SAXO1: variants seen among roughly 807,000 people sequenced by gnomAD.
SAXO1 encodes stabilizer of axonemal microtubules 1.
In SAXO1, 21 loss-of-function variants were observed where a neutral mutation model predicts 17.5. That is an observed-to-expected ratio of 1.20 (90% CI 0.85 to 1.72). The LOEUF (loss-of-function observed/expected upper bound fraction) is 1.72, where lower values mean the gene tolerates loss of function less well. SAXO1 is among the 40% of genes most tolerant of loss of function. SAXO1 has a pLI of 0.00. For synonymous variants in SAXO1, 274 were observed against 216.5 expected (o/e 1.27, Z -2.33); for missense variants, 843 against 596.0 (o/e 1.41, Z -4.32).
chr9:18,953,775 T>C (rs1445150138), intron 1 of SAXO1, among the ~76,000 whole-genome samples: 1 of 152,206 alleles, frequency 6.6e-6, no homozygotes, highest in Non-Finnish European at 1.5e-5. Flanking sequence ...ATTATATACG[T>C]ATTTAATAGA....
chr9:18,977,796 C>G (rs1057489457), intron 1 of SAXO1, among the ~76,000 whole-genome samples: 1 of 152,004 alleles, frequency 6.6e-6, no homozygotes, highest in South Asian at 2.1e-4. Flanking sequence ...GAGCTCCACA[C>G]CACTCTGGGC....
intron 1 of SAXO1, among the ~76,000 whole-genome samples, chr9:19,025,766 C>A (rs1008182246): frequency 2.0e-5 from 3 of 152,084 alleles, no homozygotes; most frequent in African/African-American, 4.8e-5. Context: ...CTATATCAAT[C>A]CCTTCATTAA....
chr9:19,021,369 C>G (rs1326714251), intron 1 of SAXO1, among the ~76,000 whole-genome samples: 1 of 152,212 alleles, frequency 6.6e-6, no homozygotes, highest in Non-Finnish European at 1.5e-5. Context: ...ATACTCCCAA[C>G]TAGCCATTAA....
chr9:18,985,204 C>T (rs982896283), intron 1 of SAXO1, among the ~76,000 whole-genome samples: 17 of 152,088 alleles, frequency 1.1e-4, no homozygotes, highest in South Asian at 8.3e-4. Context: ...CTGTCTTATA[C>T]GGGCGTGGCT....
chr9:19,001,570 G>A (rs1160117353), intron 1 of SAXO1, among the ~76,000 whole-genome samples: 1 of 151,958 alleles, frequency 6.6e-6, no homozygotes, highest in Non-Finnish European at 1.5e-5. Flanking sequence ...GGGAGGCTGA[G>A]GCAGGAGAAT....
rs746098652 is a variant in SAXO1 at position 18,928,576 on chromosome 9, T to C, written c.901A>G (p.Met301Val). The C allele has an allele frequency of 1.9e-6, 3 of 1,614,076 alleles. No individual in the cohort carries two copies. The East Asian group carries it at 6.7e-5, about 36-fold the overall frequency. Residue 301 changes from methionine (M) to valine (V), a missense_variant, in exon 4 of 4, where the codon ATG becomes GTG. Physicochemically the swap from Met to Val is conservative, Grantham distance 21 (BLOSUM62 1). Transcript: ENST00000380534. Reference sequence around the variant, plus strand: ...GCCTGCACTGTTGTCAGAAGATCCATCCTGTCTTCGGGAGGGACGTAGGTG... The same window carrying C: ...GCCTGCACTGTTGTCAGAAGATCCACCCTGTCTTCGGGAGGGACGTAGGTG... Reference protein sequence around the residue: ...PITYVPPEDRMDLLTTVQAHY... With the variant: ...PITYVPPEDRVDLLTTVQAHY...
At chr9:18,974,798 C>A (rs1255412025) in intron 1 of SAXO1, among the ~76,000 whole-genome samples, 1 of 152,154 alleles carries the variant, frequency 6.6e-6, no homozygotes, top group Admixed American at 6.5e-5. Flanking sequence ...TAAGCCATCA[C>A]CATTTGGCAA....
At chr9:18,967,306 G>A (rs1488863603) in intron 1 of SAXO1, among the ~76,000 whole-genome samples, 1 of 152,214 alleles carries the variant, frequency 6.6e-6, no homozygotes, top group Non-Finnish European at 1.5e-5. Context: ...CTTCAGAGTT[G>A]GCAGGCAGGA....
intron 1 of SAXO1, among the ~76,000 whole-genome samples, chr9:18,971,877 T>C (rs1832955421): frequency 6.6e-6 from 1 of 152,180 alleles, no homozygotes; most frequent in East Asian, 1.9e-4. Context: ...AATATAGCAC[T>C]GTAAAATGTT....
intron 1 of SAXO1, among the ~76,000 whole-genome samples, chr9:19,039,045 C>G (rs1304316532): frequency 1.3e-5 from 2 of 151,886 alleles, no homozygotes; most frequent in Admixed American, 6.6e-5. Flanking sequence ...TGTATACCAT[C>G]TGAAAAGCAA....
intron 1 of SAXO1, among the ~76,000 whole-genome samples, chr9:18,975,035 G>A (rs1833083651): frequency 6.6e-6 from 1 of 152,182 alleles, no homozygotes. Context: ...TGTAGGGTAT[G>A]GCTAAGGGGC....
At chr9:19,027,386 C>T (rs991354546) in intron 1 of SAXO1, 13 of 766,216 alleles carry the variant, frequency 1.7e-5, no homozygotes, top group South Asian at 2.8e-5. Context: ...GAGAGACCCA[C>T]GGAGCAATAC....
chr9:18,947,111 G>C (rs10963860), intron 2 of SAXO1, among the ~76,000 whole-genome samples: 12,419 of 152,272 alleles, frequency 0.082, 877 homozygotes, highest in African/African-American at 0.19. Context: ...AGCAAGTCCA[G>C]TGCCGAGAAC....
chr9:18,929,043 G>T lies in SAXO1; in HGVS notation c.434C>A (p.Pro145His). 1.9e-6 allele frequency: 3 copies of T among 1,613,712 alleles called. No individual in the cohort carries two copies. The highest frequency in any genetic ancestry group is 2.5e-6 in the Non-Finnish European group (3 of 1,179,882). The change falls in exon 4 of 4, where the codon CCT (proline) becomes CAT (histidine). Residue 145 changes from proline (P) to histidine (H), a missense_variant. Transcript: ENST00000380534. ...TGGCTCTCGCCTTGGTTGGTTCCAA[G>T]GCAAATAATCAGCTGAAATTAAAGC... ...CLPTYKADYL[P>H]WNQPRREPLR... is the part of the protein sequence containing the mutation.
At chr9:18,960,875 G>T (rs1832455001) in intron 1 of SAXO1, among the ~76,000 whole-genome samples, 1 of 152,108 alleles carries the variant, frequency 6.6e-6, no homozygotes, top group African/African-American at 2.4e-5. Flanking sequence ...ATCTTTAGTG[G>T]GAAAAAAGTC....
chr9:18,936,678 G>T (rs1668357791), intron 3 of SAXO1, among the ~76,000 whole-genome samples: 1 of 152,128 alleles, frequency 6.6e-6, no homozygotes, highest in South Asian at 2.1e-4. Flanking sequence ...TGCCAGTAAA[G>T]CCCTTCAGGG....
intron 1 of SAXO1, among the ~76,000 whole-genome samples, chr9:19,040,008 T>G (rs1384198795): frequency 1.3e-5 from 2 of 152,154 alleles, no homozygotes; most frequent in African/African-American, 4.8e-5. Flanking sequence ...GGATTACAGG[T>G]GTGAGCCACT....
At chr9:19,027,436 G>C (rs1024546413) in intron 1 of SAXO1, 3 of 757,596 alleles carry the variant, frequency 4.0e-6, no homozygotes, top group Admixed American at 1.8e-5. Flanking sequence ...CCAGGAACTG[G>C]TGGAGGCCAC....
chr9:19,027,860 C>CG, intron 1 of SAXO1: 1 of 1,366,926 alleles, frequency 7.3e-7, no homozygotes, highest in Non-Finnish European at 1.0e-6. Context: ...CCCCGCCCTG[C>CG]TACGCTAGGG....
Sources: allele counts gnomAD v4.1 joint callset (sites outside exome capture counted in the v4.1 genomes callset), GRCh38; gene constraint gnomAD v4.1.1; transcripts MANE v1.5; gene names NCBI Gene and HGNC (gene_info 2026-07-23, HGNC 2026-07-21).